ZFAND3: variants seen among roughly 807,000 people sequenced by gnomAD.
The protein encoded by ZFAND3 is zinc finger AN1-type containing 3, also known as AN1-type zinc finger protein 3.
Under a neutral mutation model 29.6 loss-of-function variants are expected in ZFAND3, and 10 were observed. That is an observed-to-expected ratio of 0.34 (90% CI 0.21 to 0.57). The LOEUF (loss-of-function observed/expected upper bound fraction) is 0.57, where lower values mean the gene tolerates loss of function less well. Ranked by LOEUF, ZFAND3 falls within the 20% of genes least tolerant of loss-of-function variation. The pLI is 0.86. For missense variants in ZFAND3, 230 were observed against 304.5 expected, an observed-to-expected ratio of 0.76 and a Z score of 1.82; for synonymous variants, 128 against 112.6, an observed-to-expected ratio of 1.14 and a Z score of -0.87.
intron 2 of ZFAND3, among the ~76,000 whole-genome samples, chr6:37,951,126 T>C (rs1761990352): frequency 6.6e-6 from 1 of 152,184 alleles, no homozygotes; most frequent in Admixed American, 6.5e-5. Flanking sequence ...TTTTATTTTT[T>C]TGTGACTACT....
intron 1 of ZFAND3, among the ~76,000 whole-genome samples, chr6:37,920,895 T>C (rs1761364830): frequency 6.6e-6 from 1 of 152,126 alleles, no homozygotes; most frequent in Non-Finnish European, 1.5e-5. Flanking sequence ...GAGTGGTGAT[T>C]TAGTAGAGCT....
At chr6:37,890,808 G>C (rs1765081671) in intron 1 of ZFAND3, among the ~76,000 whole-genome samples, 1 of 152,160 alleles carries the variant, frequency 6.6e-6, no homozygotes, top group Non-Finnish European at 1.5e-5. Context: ...AACAGCAGTA[G>C]TTATTCTAAA....
chr6:37,918,990 G>C (rs970499474), intron 1 of ZFAND3, among the ~76,000 whole-genome samples: 1 of 119,608 alleles, frequency 8.4e-6, no homozygotes, highest in African/African-American at 3.5e-5. Flanking sequence ...GTCTCGCTCT[G>C]TTGCCCAGGC....
At chr6:37,839,752 A>T (rs758924453) in intron 1 of ZFAND3, among the ~76,000 whole-genome samples, 16 of 151,524 alleles carry the variant, frequency 1.1e-4, no homozygotes, top group Non-Finnish European at 2.9e-5. Context: ...TGACCTCGTG[A>T]TCCACCTGCC....
chr6:37,895,419 C>T (rs1420236899), intron 1 of ZFAND3, among the ~76,000 whole-genome samples: 1 of 136,772 alleles, frequency 7.3e-6, no homozygotes, highest in Non-Finnish European at 1.5e-5. Flanking sequence ...ACTGCAACTT[C>T]GGCCTTCTGG....
At chr6:37,918,900 G>A (rs1761317260) in intron 1 of ZFAND3, among the ~76,000 whole-genome samples, 1 of 147,776 alleles carries the variant, frequency 6.8e-6, no homozygotes, top group Admixed American at 6.8e-5. Flanking sequence ...ACTTGCTCTT[G>A]TACTAGATGG....
intron 2 of ZFAND3, among the ~76,000 whole-genome samples, chr6:37,970,629 G>A (rs1012741327): frequency 1.4e-4 from 22 of 152,160 alleles, no homozygotes; most frequent in African/African-American, 4.1e-4. Flanking sequence ...GGCCAGGCGC[G>A]CGGTGGCTCA....
intron 1 of ZFAND3, among the ~76,000 whole-genome samples, chr6:37,877,109 C>T (rs571902639): frequency 3.9e-4 from 59 of 152,170 alleles, no homozygotes; most frequent in African/African-American, 1.3e-3. Context: ...CACGTGCATG[C>T]GACATTTTTA....
intron 5 of ZFAND3, among the ~76,000 whole-genome samples, chr6:38,151,781 G>A (rs992687903): frequency 2.0e-5 from 3 of 152,184 alleles, no homozygotes; most frequent in Admixed American, 6.5e-5. Context: ...AGCCCCGGCT[G>A]TACAGGAGGT....
intron 2 of ZFAND3, among the ~76,000 whole-genome samples, chr6:37,951,094 G>A (rs945437092): frequency 6.6e-6 from 1 of 152,130 alleles, no homozygotes; most frequent in Non-Finnish European, 1.5e-5. Flanking sequence ...TCCCTGGTTA[G>A]CTGTATTCCT....
intron 3 of ZFAND3, among the ~76,000 whole-genome samples, chr6:38,065,511 G>C (rs1764329439): frequency 6.6e-6 from 1 of 152,176 alleles, no homozygotes; most frequent in Admixed American, 6.6e-5. Flanking sequence ...TGAAACATTT[G>C]CTATATTCTA....
chr6:37,901,022 A>T (rs927741703), intron 1 of ZFAND3, among the ~76,000 whole-genome samples: 1 of 142,564 alleles, frequency 7.0e-6, no homozygotes, highest in Admixed American at 6.8e-5. Flanking sequence ...TTTTGTGCCT[A>T]CTGAATTTTT....
At chr6:38,100,217 C>T (rs981912489) in intron 4 of ZFAND3, among the ~76,000 whole-genome samples, 1 of 152,224 alleles carries the variant, frequency 6.6e-6, no homozygotes, top group Admixed American at 6.5e-5. Flanking sequence ...GCACACACCA[C>T]CACGCCAAGC....
chr6:37,866,508 A>G (rs1764593264), intron 1 of ZFAND3, among the ~76,000 whole-genome samples: 2 of 152,246 alleles, frequency 1.3e-5, no homozygotes, highest in Admixed American at 1.3e-4. Context: ...CTGTCCAAAC[A>G]TGTCTGAATT....
At chr6:38,096,950 G>C (rs1427921139) in intron 4 of ZFAND3, among the ~76,000 whole-genome samples, 1 of 152,102 alleles carries the variant, frequency 6.6e-6, no homozygotes, top group Non-Finnish European at 1.5e-5. Context: ...TGAATTACCA[G>C]TAATTACCTT....
Position 37,917,260 on chromosome 6 carries a change from T to C in ZFAND3, c.72-12699T>C, listed in dbSNP as rs190472795. Among the ~76,000 whole-genome samples the C allele has an allele frequency of 1.5e-3, 233 of 152,304 alleles. 1 individual carries two copies. In the Middle Eastern group the frequency reaches 0.017, roughly 11 times the overall value. On this transcript the variant is annotated intron_variant, in intron 1 of 5. Coordinates refer to ENST00000287218, the MANE Select transcript of ZFAND3 (RefSeq NM_021943.3). ...ATTGTGTGATCATAGATTTATAGAA[T>C]GTTAGCGGTCATTGGTCTCAGTAGC...
intron 1 of ZFAND3, among the ~76,000 whole-genome samples, chr6:37,896,676 G>T (rs1765225709): frequency 7.3e-6 from 1 of 136,838 alleles, no homozygotes; most frequent in Admixed American, 7.2e-5. Context: ...TTGTGTGTGT[G>T]TGTGTCTGTG....
chr6:38,049,954 T>TATTTTA (rs1466452488), intron 2 of ZFAND3, among the ~76,000 whole-genome samples: 214 of 10,794 alleles, frequency 0.02, 3 homozygotes, highest in Non-Finnish European at 0.097. Flanking sequence ...AATTTTTTTT[T>TATTTTA]TTTTTTTTTT....
intron 3 of ZFAND3, 129 bp downstream of exon 3, chr6:38,061,904 C>A: frequency 9.0e-7 from 1 of 1,116,740 alleles, no homozygotes; most frequent in East Asian, 2.6e-5. Context: ...ACATACAAGG[C>A]CCAAGCTCAG....
Sources: gnomAD v4.1 joint callset for allele counts (sites outside exome capture counted in the v4.1 genomes callset) on GRCh38, gnomAD v4.1.1 for gene constraint, MANE v1.5 for transcripts, NCBI Gene and HGNC (gene_info 2026-07-23, HGNC 2026-07-21) for gene names.